Variants in EGF observed in about 807,000 individuals in gnomAD.
EGF encodes pro-epidermal growth factor.
Under a neutral mutation model 143.8 loss-of-function variants are expected in EGF, and 95 were observed. That is an observed-to-expected ratio of 0.66 (90% CI 0.56 to 0.78). The LOEUF (loss-of-function observed/expected upper bound fraction) is 0.78, where lower values mean the gene tolerates loss of function less well. EGF is among the 30% of genes least tolerant of loss of function. The pLI is 0.00. For synonymous variants in EGF, 510 were observed against 510.5 expected, an observed-to-expected ratio of 1.00 and a Z score of 0.01; for missense variants, 1,320 against 1,470.9, an observed-to-expected ratio of 0.90 and a Z score of 1.68.
chr4:110,007,412 C>G (rs185940941), intron 22 of EGF, among the ~76,000 whole-genome samples: 106 of 152,302 alleles, frequency 7.0e-4, no homozygotes, highest in Middle Eastern at 3.4e-3. Context: ...CAAATGATGT[C>G]CTTTGTCCTG....
At chr4:109,936,359 G>C (rs1274488983) in intron 1 of EGF, among the ~76,000 whole-genome samples, 3 of 152,064 alleles carry the variant, frequency 2.0e-5, no homozygotes, top group Admixed American at 6.6e-5. Context: ...ATTCTCTAAC[G>C]GTAGTTTGTA....
intron 22 of EGF, among the ~76,000 whole-genome samples, chr4:110,006,905 G>A (rs1460826351): frequency 6.6e-6 from 1 of 152,184 alleles, no homozygotes; most frequent in Non-Finnish European, 1.5e-5. Context: ...AGAAACAAAT[G>A]TAGTTCTATC....
intron 1 of EGF, among the ~76,000 whole-genome samples, chr4:109,919,287 GTCTCTCTCTCTC>G (rs58110007): frequency 0.023 from 1,716 of 75,880 alleles, 13 homozygotes; most frequent in East Asian, 0.03. Context: ...ATGCTTCTCT[GTCTCTCTCTCTC>G]TCTCTCTCTC....
intron 1 of EGF, among the ~76,000 whole-genome samples, chr4:109,929,072 G>A (rs1192350922): frequency 6.6e-6 from 1 of 152,194 alleles, no homozygotes; most frequent in Non-Finnish European, 1.5e-5. Flanking sequence ...AATTATGGAA[G>A]ATGGATGTAG....
chr4:109,983,326 C>T (rs1560734608), intron 15 of EGF, 96 bp from the exon 16 acceptor site: 2 of 1,424,114 alleles, frequency 1.4e-6, no homozygotes, highest in Non-Finnish European at 1.9e-6. Flanking sequence ...TGAGTCTGAA[C>T]TCACAACCAA....
At chr4:109,991,989 CA>C (rs1053592202) in intron 18 of EGF, among the ~76,000 whole-genome samples, 8 of 145,698 alleles carry the variant, frequency 5.5e-5, no homozygotes, top group Middle Eastern at 3.3e-3. Context: ...CTGTTCTCCA[CA>C]AAAAAAAAAT....
At chr4:109,924,730 T>G (rs28672708) in intron 1 of EGF, among the ~76,000 whole-genome samples, 43,510 of 152,020 alleles carry the variant, frequency 0.29, 6,600 homozygotes, top group Middle Eastern at 0.4. Flanking sequence ...AAGAGAATAA[T>G]GAGGAAAGGG....
intron 1 of EGF, among the ~76,000 whole-genome samples, chr4:109,938,429 G>C (rs1313343918): frequency 6.6e-6 from 1 of 152,076 alleles, no homozygotes; most frequent in Non-Finnish European, 1.5e-5. Flanking sequence ...CTTTTTTCAA[G>C]GTTTTTAGCT....
chr4:110,003,419 T>C (rs760778981), intron 21 of EGF, among the ~76,000 whole-genome samples: 4 of 152,214 alleles, frequency 2.6e-5, no homozygotes, highest in Non-Finnish European at 4.4e-5. Context: ...ATTAGCCACT[T>C]GTTTCAATTT....
intron 10 of EGF, among the ~76,000 whole-genome samples, chr4:109,965,729 A>C (rs1476914796): frequency 6.6e-6 from 1 of 152,056 alleles, no homozygotes; most frequent in Non-Finnish European, 1.5e-5. Flanking sequence ...GATTATTAGA[A>C]CTGCAGTCCT....
intron 16 of EGF, among the ~76,000 whole-genome samples, chr4:109,984,791 T>G (rs1336915491): frequency 2.6e-5 from 4 of 152,184 alleles, no homozygotes; most frequent in Non-Finnish European, 5.9e-5. Context: ...ACCAAAGGTT[T>G]TTGAAAATTA....
chr4:110,011,292 A>C lies in EGF; in HGVS notation c.3461A>C (p.Lys1154Thr). Residue 1154 changes from lysine to threonine, a missense_variant, in exon 24 of 24, where the codon AAG (lysine) becomes ACG (threonine). By Grantham distance (78) the Lys-to-Thr change is moderately conservative. Transcript: ENST00000265171. ...TGCTGGATTCCAGTATCCAGTGATA[A>C]GGGCTCCTGTCCCCAGGTAATGGAG... is the stretch of plus-strand genomic sequence containing the variant. ...QGCWIPVSSD[K>T]GSCPQVMERS... 6.8e-6 allele frequency: 11 copies of C among 1,614,134 alleles called. No homozygotes were observed. Among genetic ancestry groups the C allele is most frequent in the Non-Finnish European group, 9.3e-6 (11 of 1,180,014 alleles).
intron 1 of EGF, among the ~76,000 whole-genome samples, chr4:109,939,218 T>C (rs1741468674): frequency 6.6e-6 from 1 of 152,198 alleles, no homozygotes; most frequent in African/African-American, 2.4e-5. Flanking sequence ...ACTGTGAGCA[T>C]AGCACTACCT....
rs1452575985 is a variant in EGF at position 109,940,698 on chromosome 4, CAG to C, written c.128-243_128-242del. 10 of 473,716 alleles carry C rather than the reference CAG, an allele frequency of 2.1e-5. No individual in the cohort carries two copies. The East Asian group carries it at 2.6e-4, about 12-fold the overall frequency. The allele number at this position is 473,716 out of a possible 1,614,324, so 29.3% of individuals were successfully genotyped here. A position where few individuals can be genotyped will look rare whatever the true frequency, so the allele number is the denominator to read the frequency against. On this transcript the variant is annotated intron_variant, in intron 1 of 23. Transcript: ENST00000265171. ...AAAGAGTAAAAAGTGTCTTTCTCTT[CAG>C]AGAGTTCATTTTTCATAATTTACCA... is the stretch of plus-strand genomic sequence containing the variant.
chr4:109,913,233 C>A lies in EGF; in HGVS notation c.-103C>A. The stretch of plus-strand genomic sequence containing the variant: ...AAAGATGCCCCAGGGCTGAGGCCTC[C>A]GCTCAGGCAGCCGCATCTGGGGTCA... On this transcript the variant is annotated 5_prime_UTR_variant, in exon 1 of 24. Coordinates refer to ENST00000265171, the MANE Select transcript of EGF (RefSeq NM_001963.6). 3.4e-6 allele frequency: 5 copies of A among 1,489,022 alleles called. No homozygotes were observed. The highest frequency in any genetic ancestry group is 4.7e-6 in the Non-Finnish European group (5 of 1,075,266). 92.2% of individuals were successfully genotyped at this position (1,489,022 alleles called of 1,614,324 possible).
At chr4:109,919,320 TCTC>T (rs1319331609) in intron 1 of EGF, among the ~76,000 whole-genome samples, 32 of 114,526 alleles carry the variant, frequency 2.8e-4, no homozygotes, top group East Asian at 1.2e-3. Flanking sequence ...TCTCTCTCTC[TCTC>T]TCTCTCTCTC....
intron 1 of EGF, among the ~76,000 whole-genome samples, chr4:109,918,773 G>A (rs1244432037): frequency 6.6e-6 from 1 of 152,182 alleles, no homozygotes. Flanking sequence ...GAGGGTTGGG[G>A]CAAGGGCAGG....
intron 11 of EGF, among the ~76,000 whole-genome samples, chr4:109,973,561 G>A (rs577848140): frequency 5.9e-5 from 9 of 151,870 alleles, no homozygotes; most frequent in Admixed American, 1.3e-4. Flanking sequence ...TTCATTTGCT[G>A]TGTTATAATC....
chr4:109,982,184 T>G (rs1423626665), intron 15 of EGF, among the ~76,000 whole-genome samples: 1 of 151,598 alleles, frequency 6.6e-6, no homozygotes, highest in African/African-American at 2.4e-5. Flanking sequence ...TTTATTTTTA[T>G]TTTTTGTAGA....
Sources: gnomAD v4.1 joint callset for allele counts (sites outside exome capture counted in the v4.1 genomes callset) on GRCh38, gnomAD v4.1.1 for gene constraint, MANE v1.5 for transcripts, NCBI Gene and HGNC (gene_info 2026-07-23, HGNC 2026-07-21) for gene names.